The following AP4E1 variants were observed in gnomAD, a reference collection of about 807,000 sequenced individuals.
The protein encoded by AP4E1 is AP-4 complex subunit epsilon-1.
AP4E1 carries 56 observed loss-of-function variants against 128.2 expected under a neutral mutation model. The ratio of observed to expected loss-of-function variants is 0.44; its 90% confidence interval spans 0.35 to 0.55. The LOEUF (loss-of-function observed/expected upper bound fraction) is 0.55, where lower values mean the gene tolerates loss of function less well. Ranked by LOEUF, AP4E1 falls within the 20% of genes least tolerant of loss-of-function variation. The pLI is 0.00. For missense variants in AP4E1, 1,324 were observed against 1,307.7 expected, an observed-to-expected ratio of 1.01 and a Z score of -0.19; for synonymous variants, 484 against 473.1, an observed-to-expected ratio of 1.02 and a Z score of -0.30.
chr15:50,952,509 CAAAA>C (rs1359239142), intron 13 of AP4E1, among the ~76,000 whole-genome samples: 1 of 79,462 alleles, frequency 1.3e-5, no homozygotes. Flanking sequence ...GACTCCATCT[CAAAA>C]AAAAAAAAAA....
chr15:50,946,986 C>T (rs1231906490), intron 10 of AP4E1, among the ~76,000 whole-genome samples: 1 of 152,128 alleles, frequency 6.6e-6, no homozygotes, highest in Non-Finnish European at 1.5e-5. Flanking sequence ...GCCTGGCCAA[C>T]ATGGTGAAAC....
At chr15:50,937,526 A>G (rs1453282826) in intron 8 of AP4E1, among the ~76,000 whole-genome samples, 1 of 152,250 alleles carries the variant, frequency 6.6e-6, no homozygotes, top group South Asian at 2.1e-4. Context: ...TTCACAATAT[A>G]GTGGAAAGAT....
chr15:50,941,900 T>C (rs1343493324), intron 10 of AP4E1, 125 bp downstream of exon 10: 7 of 728,150 alleles, frequency 9.6e-6, no homozygotes, highest in Non-Finnish European at 1.6e-5. Flanking sequence ...TTTTAACTTT[T>C]GGGTGTATTT....
intron 17 of AP4E1, among the ~76,000 whole-genome samples, chr15:50,996,458 A>G (rs887510100): frequency 1.1e-4 from 16 of 152,166 alleles, no homozygotes; most frequent in African/African-American, 3.9e-4. Context: ...TTTGGAGGTA[A>G]GAGACAAAAA....
chr15:50,989,200 A>G (rs887679598), intron 16 of AP4E1, among the ~76,000 whole-genome samples: 2 of 152,236 alleles, frequency 1.3e-5, no homozygotes, highest in Non-Finnish European at 2.9e-5. Context: ...TTGTTTGGGA[A>G]GAAGCTGCAT....
In AP4E1 at chr15:51,002,554, G is replaced by T. The variant is rs1332597694; in HGVS notation, c.3306G>T (p.Leu1102=). ...CQLLPSIPCL[L]HCRVHADVLA... ...TGCTCCCATCCATCCCCTGCTTACT[G>T]CATTGCCGAGTTCATGCAGATGTAT... Residue 1102 remains leucine (L), a synonymous_variant, in exon 21 of 21, where the codon CTG becomes CTT. Transcript: ENST00000261842. The T allele has an allele frequency of 1.2e-6, 2 of 1,614,046 alleles. No homozygotes were observed. The highest frequency in any genetic ancestry group is 1.7e-6 in the Non-Finnish European group (2 of 1,180,016).
chr15:50,908,820 A>G lies in AP4E1; in HGVS notation c.42A>G (p.Gly14=), dbSNP rs143027953. 1.6e-4 allele frequency: 254 copies of G among 1,604,870 alleles called. No individual in the cohort carries two copies. The highest frequency in any genetic ancestry group is 2.1e-4 in the Non-Finnish European group (247 of 1,177,102). Residue 14 remains glycine, a synonymous_variant, in exon 1 of 21, where the codon GGA becomes GGG. Transcript: ENST00000261842. Reference sequence around the variant, plus strand: ...AGAAGACGCTGACGGCGCTGCCGGGACTCTTTCTGCAGAACCAGCCCGGTG... The same window carrying G: ...AGAAGACGCTGACGGCGCTGCCGGGGCTCTTTCTGCAGAACCAGCCCGGTG... ...IVEKTLTALP[G]LFLQNQPGGG... is the part of the protein sequence containing the mutation.
chr15:50,914,372 C>T (rs933298185), intron 2 of AP4E1, among the ~76,000 whole-genome samples: 4 of 151,888 alleles, frequency 2.6e-5, no homozygotes, highest in Non-Finnish European at 5.9e-5. Flanking sequence ...TCTATGTGGA[C>T]GGGTGTGGTG....
Position 50,997,682 on chromosome 15 carries a change from T to G in AP4E1, c.2703T>G (p.Ser901=). 6.2e-7 allele frequency: 1 copy of G among 1,614,048 alleles called. No homozygotes were observed. The highest frequency in any genetic ancestry group is 8.5e-7 in the Non-Finnish European group (1 of 1,179,986). ...STAASVAKES[S]LASSFLEETT... is the part of the protein sequence containing the mutation. ...CAGCCTCAGTTGCCAAGGAAAGCTCTTTAGCTTCATCTTTTTTGGAAGAAA... is the reference window on the plus strand; with the variant it reads ...CAGCCTCAGTTGCCAAGGAAAGCTCGTTAGCTTCATCTTTTTTGGAAGAAA... Residue 901 remains serine, a synonymous_variant, in exon 18 of 21, where the codon TCT becomes TCG. Transcript: ENST00000261842.
At chr15:50,933,494 A>G (rs999391561) in intron 7 of AP4E1, among the ~76,000 whole-genome samples, 10 of 152,146 alleles carry the variant, frequency 6.6e-5, no homozygotes, top group African/African-American at 1.7e-4. Flanking sequence ...TCTTCATTTC[A>G]TGTGGTTAAG....
Position 50,958,665 on chromosome 15 carries a change from A to G in AP4E1, c.1722A>G (p.Leu574=). The G allele has an allele frequency of 6.2e-7, 1 of 1,614,174 alleles. No homozygotes were observed. The highest frequency in any genetic ancestry group is 2.2e-5 in the East Asian group (1 of 44,876). Residue 574 remains leucine (L), a synonymous_variant, in exon 14 of 21, where the codon TTA becomes TTG. Transcript: ENST00000261842. ...QAHSSNTVER[L]IHEFTISLDT... ...ACTCTTCTAATACAGTTGAGAGATT[A>G]ATCCATGAATTTACCATATCTTTGG...
rs2064927174 is a variant in AP4E1 at position 50,999,374 on chromosome 15, A to C, written c.3095+112A>C. 3.4e-6 allele frequency: 3 copies of C among 890,980 alleles called. No individual in the cohort carries two copies. In the Admixed American group the frequency reaches 7.5e-5, roughly 22 times the overall value. The allele number at this position is 890,980 out of a possible 1,614,324, so 55.2% of individuals were successfully genotyped here. A position where few individuals can be genotyped will look rare whatever the true frequency, so the allele number is the denominator to read the frequency against. Reference sequence around the variant, plus strand: ...GTGCTAGGGAGTATAACAGTTAAAAACTACGCACAGTTCCTACGTTAGAGG... The same window carrying C: ...GTGCTAGGGAGTATAACAGTTAAAACCTACGCACAGTTCCTACGTTAGAGG... On this transcript the variant is annotated intron_variant, in intron 19 of 20. Coordinates refer to ENST00000261842, the MANE Select transcript of AP4E1 (RefSeq NM_007347.5).
At chr15:50,910,804 C>A (rs1397661908) in intron 1 of AP4E1, among the ~76,000 whole-genome samples, 1 of 152,148 alleles carries the variant, frequency 6.6e-6, no homozygotes, top group South Asian at 2.1e-4. Flanking sequence ...TACAGGCACA[C>A]GTCACCATAC....
At chr15:50,942,658 T>C (rs1053395049) in intron 10 of AP4E1, among the ~76,000 whole-genome samples, 1 of 148,386 alleles carries the variant, frequency 6.7e-6, no homozygotes. Context: ...ATATTACTTT[T>C]GTATATTACA....
intron 8 of AP4E1, 64 bp from the exon 9 acceptor site, chr15:50,941,378 C>T: frequency 6.4e-7 from 1 of 1,552,410 alleles, no homozygotes; most frequent in Non-Finnish European, 8.8e-7. Flanking sequence ...ACAAGTTCTA[C>T]ACAAATACAT....
chr15:50,944,385 A>G (rs1355042264), intron 10 of AP4E1, among the ~76,000 whole-genome samples: 1 of 152,216 alleles, frequency 6.6e-6, no homozygotes, highest in Non-Finnish European at 1.5e-5. Context: ...TTGTAACACT[A>G]TACCCCATTC....
chr15:50,972,853 T>C lies in AP4E1; in HGVS notation c.1966+4476T>C, dbSNP rs151072761. Among the ~76,000 whole-genome samples, 729 of 152,314 alleles carry C rather than the reference T, an allele frequency of 4.8e-3. 5 individuals are homozygous for C. The highest frequency in any genetic ancestry group is 8.4e-3 in the Admixed American group (129 of 15,298). ...TGGCCTTGGGGATGGGGGGCATGTCTTCTGAGGGTAGCCCTATGGGGATGT... is the reference window on the plus strand; with the variant it reads ...TGGCCTTGGGGATGGGGGGCATGTCCTCTGAGGGTAGCCCTATGGGGATGT... On this transcript the variant is annotated intron_variant, in intron 15 of 20. Coordinates refer to ENST00000261842, the MANE Select transcript of AP4E1 (RefSeq NM_007347.5).
chr15:50,915,139 G>A (rs1028274042), intron 2 of AP4E1, among the ~76,000 whole-genome samples: 10 of 152,128 alleles, frequency 6.6e-5, no homozygotes, highest in African/African-American at 2.4e-4. Context: ...CTTGTGTGAA[G>A]ACCCCATGTA....
intron 16 of AP4E1, among the ~76,000 whole-genome samples, chr15:50,984,588 G>C (rs1169624701): frequency 1.3e-5 from 2 of 151,424 alleles, no homozygotes; most frequent in Admixed American, 1.3e-4. Context: ...ATAGTTTGCT[G>C]AGAATGATGG....
Sources: allele counts gnomAD v4.1 joint callset (sites outside exome capture counted in the v4.1 genomes callset), GRCh38; gene constraint gnomAD v4.1.1; transcripts MANE v1.5; gene names NCBI Gene and HGNC (gene_info 2026-07-23, HGNC 2026-07-21).